The following RPH3A variants were observed in gnomAD, a reference collection of about 807,000 sequenced individuals.
The protein encoded by RPH3A is rabphilin-3A.
A neutral mutation model predicts 102.2 loss-of-function variants in RPH3A; 48 were observed. That is an observed-to-expected ratio of 0.47 (90% CI 0.37 to 0.60). The LOEUF is 0.60. Among genes scored for constraint, RPH3A ranks in the 20% least tolerant of loss-of-function variants. The pLI, the probability that RPH3A is intolerant of heterozygous loss-of-function variation, is 0.00. For missense variants in RPH3A, 781 were observed against 910.1 expected (o/e 0.86, Z 1.83); for synonymous variants, 310 against 324.3 (o/e 0.96, Z 0.47).
intron 1 of RPH3A, among the ~76,000 whole-genome samples, chr12:112,754,541 A>C (rs1458684062): frequency 6.6e-6 from 1 of 152,190 alleles, no homozygotes; most frequent in Non-Finnish European, 1.5e-5. Context: ...AAAAGACCAC[A>C]TGTGTAGGCA....
chr12:112,580,394 CTTTTTTTTT>C (rs773931202), intron 1 of RPH3A, among the ~76,000 whole-genome samples: 24 of 76,960 alleles, frequency 3.1e-4, no homozygotes, highest in South Asian at 6.6e-4. Context: ...TTTGTCTTGT[CTTTTTTTTT>C]TTTTTTTTTT....
At chr12:112,713,454 A>G (rs1290365882) in intron 1 of RPH3A, among the ~76,000 whole-genome samples, 1 of 152,196 alleles carries the variant, frequency 6.6e-6, no homozygotes, top group African/African-American at 2.4e-5. Context: ...TGTGTAGAAA[A>G]GAGAGCATAT....
At chr12:112,641,702 G>C (rs1442207097) in intron 1 of RPH3A, among the ~76,000 whole-genome samples, 15 of 152,102 alleles carry the variant, frequency 9.9e-5, no homozygotes. Context: ...CCAGCTGAAG[G>C]TTGGAATCTT....
chr12:112,720,233 G>A (rs66682335), intron 1 of RPH3A, among the ~76,000 whole-genome samples: 18,377 of 152,296 alleles, frequency 0.12, 1,182 homozygotes, highest in South Asian at 0.2. Flanking sequence ...TGTCTTTGGA[G>A]ATTTCAGGAG....
At chr12:112,600,214 C>A (rs1566223694) in intron 1 of RPH3A, among the ~76,000 whole-genome samples, 2 of 152,096 alleles carry the variant, frequency 1.3e-5, no homozygotes. Flanking sequence ...AAAGGTTGAT[C>A]CACTCAGTCA....
At position 112,861,510 on chromosome 12, in the gene RPH3A, A is replaced by G. The variant is rs1024705529; in HGVS notation, c.231-3904A>G. Among the ~76,000 whole-genome samples the G allele has an allele frequency of 6.6e-5, 10 of 152,176 alleles. 1 individual carries two copies. The highest frequency in any genetic ancestry group is 5.2e-4 in the Admixed American group (8 of 15,278). ...TTCAAGGCGATCCCCGTGGCTGTAC[A>G]TGGCACGTGGCTGTGTGCACAGCAG... is the stretch of plus-strand genomic sequence containing the variant. On this transcript the variant is annotated intron_variant, in intron 5 of 21. Transcript: ENST00000389385.
intron 1 of RPH3A, among the ~76,000 whole-genome samples, chr12:112,708,051 G>T (rs1216643116): frequency 6.6e-6 from 1 of 152,240 alleles, no homozygotes; most frequent in Non-Finnish European, 1.5e-5. Flanking sequence ...TTCTCATGCT[G>T]ACTTAGCTCC....
At chr12:112,750,041 T>C (rs2040776144) in intron 1 of RPH3A, among the ~76,000 whole-genome samples, 1 of 152,180 alleles carries the variant, frequency 6.6e-6, no homozygotes, top group Non-Finnish European at 1.5e-5. Flanking sequence ...GAAGGGGGCC[T>C]CCTTTCTCCT....
At chr12:112,713,033 T>C (rs1266338603) in intron 1 of RPH3A, among the ~76,000 whole-genome samples, 2 of 81,624 alleles carry the variant, frequency 2.5e-5, no homozygotes, top group Admixed American at 1.6e-4. Flanking sequence ...CTCTTCTTCT[T>C]CTTCTTCTTC....
At chr12:112,693,944 A>C (rs896414900) in intron 1 of RPH3A, among the ~76,000 whole-genome samples, 3 of 152,212 alleles carry the variant, frequency 2.0e-5, no homozygotes, top group Admixed American at 6.5e-5. Context: ...GATTTGCCCA[A>C]TAAATATTTG....
intron 1 of RPH3A, among the ~76,000 whole-genome samples, chr12:112,639,532 A>G (rs867625766): frequency 1.3e-5 from 2 of 152,160 alleles, no homozygotes; most frequent in African/African-American, 4.8e-5. Flanking sequence ...CAGGAAGAAT[A>G]GCTAATGGAT....
At chr12:112,580,394 C>CTTTTTTTTTTTTTTTT (rs773931202) in intron 1 of RPH3A, among the ~76,000 whole-genome samples, 8 of 76,942 alleles carry the variant, frequency 1.0e-4, no homozygotes, top group East Asian at 5.4e-4. Flanking sequence ...TTTGTCTTGT[C>CTTTTTTTTTTTTTTTT]TTTTTTTTTT....
chr12:112,760,368 G>C (rs112701226), intron 1 of RPH3A, among the ~76,000 whole-genome samples: 86 of 152,306 alleles, frequency 5.6e-4, no homozygotes, highest in African/African-American at 1.9e-3. Context: ...TATATAGGAA[G>C]TCCATGTCAT....
At chr12:112,724,781 C>T (rs1470103019) in intron 1 of RPH3A, among the ~76,000 whole-genome samples, 1 of 152,062 alleles carries the variant, frequency 6.6e-6, no homozygotes, top group African/African-American at 2.4e-5. Context: ...CCAGCCTGGA[C>T]AATATGGTGA....
chr12:112,637,999 T>G (rs1025797244), intron 1 of RPH3A, among the ~76,000 whole-genome samples: 2 of 151,756 alleles, frequency 1.3e-5, no homozygotes, highest in Non-Finnish European at 2.9e-5. Flanking sequence ...TGGAATCTGA[T>G]CCCCAACATT....
In RPH3A at chr12:112,763,332, C is replaced by T. The variant is rs75843444; in HGVS notation, c.-139-28811C>T. ...AGCCAAATATGAGTGACCAATGTCC[C>T]ATGACACAGCCCTCAGGAGATCCTG... On this transcript the variant is annotated intron_variant, in intron 1 of 21. Transcript: ENST00000543106. 5.2e-3 allele frequency among the ~76,000 whole-genome samples: 789 copies of T among 152,328 alleles called. 7 individuals are homozygous for T. The highest frequency in any genetic ancestry group is 0.018 in the African/African-American group (742 of 41,572).
chr12:112,847,061 G>A (rs2042243157), intron 4 of RPH3A, among the ~76,000 whole-genome samples: 1 of 152,178 alleles, frequency 6.6e-6, no homozygotes, highest in African/African-American at 2.4e-5. Flanking sequence ...AGGCACACAG[G>A]GGACTTACAT....
At chr12:112,580,730 T>G (rs968104774) in intron 1 of RPH3A, among the ~76,000 whole-genome samples, 4 of 152,034 alleles carry the variant, frequency 2.6e-5, no homozygotes, top group Non-Finnish European at 4.4e-5. Context: ...TATACAGTAT[T>G]TGAGGGCGGG....
chr12:112,580,549 G>A (rs1396195805), intron 1 of RPH3A, among the ~76,000 whole-genome samples: 7 of 151,634 alleles, frequency 4.6e-5, no homozygotes, highest in Admixed American at 1.3e-4. Context: ...GACCACCGGC[G>A]CCCGCCACCA....
Sources: gnomAD v4.1 joint callset for allele counts (sites outside exome capture counted in the v4.1 genomes callset) on GRCh38, gnomAD v4.1.1 for gene constraint, MANE v1.5 for transcripts, NCBI Gene and HGNC (gene_info 2026-07-23, HGNC 2026-07-21) for gene names.